NOS1AP: variants seen among roughly 807,000 people sequenced by gnomAD.
NOS1AP encodes the protein nitric oxide synthase 1 adaptor protein.
A neutral mutation model predicts 56.2 loss-of-function variants in NOS1AP; 21 were observed. That is an observed-to-expected ratio of 0.37 (90% CI 0.26 to 0.54). The LOEUF is 0.54. Among genes scored for constraint, NOS1AP ranks in the 20% least tolerant of loss-of-function variants. The pLI, the probability that NOS1AP is intolerant of heterozygous loss-of-function variation, is 0.84. For missense variants in NOS1AP, 522 were observed against 657.8 expected, an observed-to-expected ratio of 0.79 and a Z score of 2.26; for synonymous variants, 270 against 274.6, an observed-to-expected ratio of 0.98 and a Z score of 0.17.
At chr1:162,223,436 G>A (rs191877409) in intron 2 of NOS1AP, among the ~76,000 whole-genome samples, 3 of 152,022 alleles carry the variant, frequency 2.0e-5, no homozygotes, top group South Asian at 2.1e-4. Flanking sequence ...GGGGTGGGGT[G>A]GGGGAGCTCT....
At chr1:162,314,702 A>C (rs1656174889) in intron 4 of NOS1AP, among the ~76,000 whole-genome samples, 1 of 152,350 alleles carries the variant, frequency 6.6e-6, no homozygotes, top group Admixed American at 6.5e-5. Flanking sequence ...GAATCTGCTG[A>C]AAACTGTATT....
At position 162,367,310 on chromosome 1, in the gene NOS1AP, T is replaced by G. The variant is rs1277543872; in HGVS notation, c.1364T>G (p.Ile455Ser). 6.2e-7 allele frequency: 1 copy of G among 1,613,392 alleles called. No individual in the cohort carries two copies. The highest frequency in any genetic ancestry group is 8.5e-7 in the Non-Finnish European group (1 of 1,179,932). The part of the protein sequence containing the change: ...GEALLGGLEL[I>S]KFRESGIASE... ...GCGCTCCTGGGCGGTCTGGAGCTCATCAAGTTCCGAGAGTCAGGCATCGCC... is the reference window on the plus strand; with the variant it reads ...GCGCTCCTGGGCGGTCTGGAGCTCAGCAAGTTCCGAGAGTCAGGCATCGCC... The change falls in exon 10 of 10, where the codon ATC becomes AGC. Residue 455 changes from isoleucine (I) to serine (S), a missense_variant. Physicochemically the swap from Ile to Ser is moderately radical, Grantham distance 142. Around this residue, in one of 4 missense-constraint regions of NOS1AP, gnomAD observed 160 missense variants for 180.3 expected, o/e 0.89. Coordinates refer to ENST00000361897, the MANE Select transcript of NOS1AP (RefSeq NM_014697.3). The surrounding 1 kb of genome is among the most constrained non-coding windows in gnomAD (Gnocchi z 6.5).
intron 2 of NOS1AP, among the ~76,000 whole-genome samples, chr1:162,248,968 C>T (rs1653763618): frequency 6.6e-6 from 1 of 152,114 alleles, no homozygotes; most frequent in Admixed American, 6.6e-5. Context: ...ATGATAGCAA[C>T]AGTTTCTATG....
intron 1 of NOS1AP, among the ~76,000 whole-genome samples, chr1:162,143,261 T>A (rs1195781534): frequency 6.6e-6 from 1 of 152,126 alleles, no homozygotes; most frequent in Non-Finnish European, 1.5e-5. Flanking sequence ...TTTGATTCTG[T>A]TGAGACTAAT....
intron 1 of NOS1AP, among the ~76,000 whole-genome samples, chr1:162,142,318 A>T (rs1204076134): frequency 6.6e-6 from 1 of 152,204 alleles, no homozygotes; most frequent in Non-Finnish European, 1.5e-5. Context: ...AAAAACATTC[A>T]GTCTTTCACC....
intron 2 of NOS1AP, among the ~76,000 whole-genome samples, chr1:162,161,476 A>C (rs771150541): frequency 1.3e-5 from 2 of 152,226 alleles, no homozygotes; most frequent in Non-Finnish European, 2.9e-5. Context: ...AATCATCAGG[A>C]AAATTGGGAT....
chr1:162,121,434 A>G (rs1648229094), intron 1 of NOS1AP, among the ~76,000 whole-genome samples: 1 of 152,050 alleles, frequency 6.6e-6, no homozygotes, highest in Admixed American at 6.6e-5. Context: ...GAGGATGTTT[A>G]ATTCAACCTT....
chr1:162,113,047 T>C (rs1360454974), intron 1 of NOS1AP, among the ~76,000 whole-genome samples: 1 of 152,112 alleles, frequency 6.6e-6, no homozygotes, highest in East Asian at 1.9e-4. Flanking sequence ...TGAATAGGTA[T>C]ATTAGGTCAG....
intron 3 of NOS1AP, among the ~76,000 whole-genome samples, chr1:162,296,966 A>G (rs932728078): frequency 2.6e-5 from 4 of 152,156 alleles, no homozygotes; most frequent in Admixed American, 6.5e-5. Flanking sequence ...AGAGGAATTG[A>G]TTGGGTAGAG....
intron 2 of NOS1AP, among the ~76,000 whole-genome samples, chr1:162,248,266 C>T (rs749096986): frequency 6.6e-6 from 1 of 152,056 alleles, no homozygotes; most frequent in Non-Finnish European, 1.5e-5. Context: ...TTACAATCCC[C>T]ATGAAGTAGA....
At chr1:162,338,786 G>A (rs1657016213) in intron 5 of NOS1AP, 1 of 152,136 alleles carries the variant, frequency 6.6e-6, no homozygotes, top group African/African-American at 2.4e-5. Flanking sequence ...TCAACCTTTT[G>A]ATTTATGTCT....
intron 1 of NOS1AP, among the ~76,000 whole-genome samples, chr1:162,083,438 A>C (rs1691935349): frequency 6.6e-6 from 1 of 152,136 alleles, no homozygotes; most frequent in Non-Finnish European, 1.5e-5. Flanking sequence ...ACAGGGTCTC[A>C]CTATATTGCC....
At chr1:162,153,923 C>CT (rs1404266381) in intron 1 of NOS1AP, among the ~76,000 whole-genome samples, 4 of 151,638 alleles carry the variant, frequency 2.6e-5, no homozygotes, top group Non-Finnish European at 5.9e-5. Context: ...TCTAAAACAT[C>CT]TAGGGCTCAA....
At position 162,291,519 on chromosome 1, in the gene NOS1AP, C is replaced by G. The variant is rs191662474; in HGVS notation, c.270+4083C>G. 3.8e-3 allele frequency among the ~76,000 whole-genome samples: 575 copies of G among 151,724 alleles called. 2 individuals are homozygous for G. Among genetic ancestry groups the G allele is most frequent in the Non-Finnish European group, 5.6e-3 (381 of 67,948 alleles). On this transcript the variant is annotated intron_variant, in intron 3 of 9. Transcript: ENST00000361897. ...AAAAAAAAAGGATGAGATCCTTTCT[C>G]AAATATAGGAAGGCTTCCATAAAAA... is the stretch of plus-strand genomic sequence containing the variant.
intron 4 of NOS1AP, among the ~76,000 whole-genome samples, chr1:162,309,741 T>G (rs1462751832): frequency 6.6e-6 from 1 of 152,174 alleles, no homozygotes; most frequent in Non-Finnish European, 1.5e-5. Flanking sequence ...TATGATGAAT[T>G]ACAACTTAAT....
At position 162,224,472 on chromosome 1, in the gene NOS1AP, AG is replaced by A. The variant is rs377083250; in HGVS notation, c.178-62870del. ...AACTTAGGACATTATTTGATGTTCA[AG>A]GTGGTTGAGCTTTATAGGTGCAGAG... is the stretch of plus-strand genomic sequence containing the variant. On this transcript the variant is annotated intron_variant, in intron 2 of 9. Coordinates refer to ENST00000361897, the MANE Select transcript of NOS1AP (RefSeq NM_014697.3). 1.0e-3 allele frequency among the ~76,000 whole-genome samples: 156 copies of A among 152,256 alleles called. 1 individual carries two copies. Among genetic ancestry groups the A allele is most frequent in the African/African-American group, 3.3e-3 (136 of 41,556 alleles).
chr1:162,212,127 G>A (rs1231848622), intron 2 of NOS1AP, among the ~76,000 whole-genome samples: 1 of 152,152 alleles, frequency 6.6e-6, no homozygotes, highest in Non-Finnish European at 1.5e-5. Context: ...TTGCCCTCTT[G>A]GAGGCTCCTC....
intron 6 of NOS1AP, among the ~76,000 whole-genome samples, chr1:162,345,904 A>G (rs1030059678): frequency 1.3e-5 from 2 of 152,254 alleles, no homozygotes; most frequent in African/African-American, 4.8e-5. Context: ...TAAATATGTG[A>G]AAATTTAAAA....
intron 1 of NOS1AP, 38 bp downstream of exon 1, chr1:162,070,320 G>T (rs757702968): frequency 1.3e-6 from 2 of 1,534,988 alleles, no homozygotes; most frequent in Middle Eastern, 1.7e-4. Flanking sequence ...CTGTGGTGGC[G>T]GTTGGGGGGG....
Sources: allele counts gnomAD v4.1 joint callset (sites outside exome capture counted in the v4.1 genomes callset), GRCh38; gene constraint gnomAD v4.1.1; regional missense constraint gnomAD v4.1.1; non-coding constraint Gnocchi (gnomAD v3.1); transcripts MANE v1.5; gene names NCBI Gene and HGNC (gene_info 2026-07-23, HGNC 2026-07-21).